Variants in THRB observed in about 807,000 individuals in gnomAD.
THRB encodes the protein thyroid hormone receptor beta.
In THRB, 12 loss-of-function variants were observed where a neutral mutation model predicts 47.8. That is an observed-to-expected ratio of 0.25 (90% CI 0.16 to 0.41). THRB has a LOEUF of 0.41. Among genes scored for constraint, THRB ranks in the 10% least tolerant of loss-of-function variants. The probability of loss-of-function intolerance (pLI) is 1.00; values close to 1 mark genes in which losing one functional copy is unlikely to be tolerated. For missense variants in THRB, 348 were observed against 589.2 expected (o/e 0.59, Z 4.24); for synonymous variants, 218 against 212.2 (o/e 1.03, Z -0.24).
chr3:24,452,586 G>A (rs774551055), intron 1 of THRB, among the ~76,000 whole-genome samples: 2 of 152,048 alleles, frequency 1.3e-5, no homozygotes, highest in South Asian at 4.2e-4. Flanking sequence ...ATGAGGCTCC[G>A]AGAAACATGC....
chr3:24,310,503 C>T (rs1274196964), intron 2 of THRB, among the ~76,000 whole-genome samples: 2 of 152,140 alleles, frequency 1.3e-5, no homozygotes, highest in Non-Finnish European at 2.9e-5. Context: ...CTAGAGGGTT[C>T]CTTAAACATA....
chr3:24,184,726 A>C (rs974285392), intron 5 of THRB, among the ~76,000 whole-genome samples: 2 of 152,194 alleles, frequency 1.3e-5, no homozygotes, highest in Non-Finnish European at 1.5e-5. Context: ...CCCTTGAGGT[A>C]TAAGAATCAC....
At chr3:24,356,035 T>C (rs2149587327) in intron 1 of THRB, among the ~76,000 whole-genome samples, 1 of 152,302 alleles carries the variant, frequency 6.6e-6, no homozygotes, top group South Asian at 2.1e-4. Context: ...TCTCCAGCTG[T>C]GAACCTGTGA....
intron 2 of THRB, among the ~76,000 whole-genome samples, chr3:24,317,177 T>C (rs1050414139): frequency 1.3e-5 from 2 of 152,184 alleles, no homozygotes; most frequent in Non-Finnish European, 2.9e-5. Flanking sequence ...AAGTATGAGT[T>C]TGTGGGTTCA....
chr3:24,296,660 C>T (rs1344953387), intron 3 of THRB, among the ~76,000 whole-genome samples: 1 of 152,194 alleles, frequency 6.6e-6, no homozygotes, highest in Non-Finnish European at 1.5e-5. Flanking sequence ...ACAGAGCAAG[C>T]CCTGTCCTCC....
chr3:24,137,336 A>G (rs2034806416), intron 8 of THRB, among the ~76,000 whole-genome samples: 1 of 152,226 alleles, frequency 6.6e-6, no homozygotes, highest in Non-Finnish European at 1.5e-5. Context: ...ACAGCAATGA[A>G]CAGTGTATCC....
At chr3:24,207,615 AT>A (rs1396881396) in intron 4 of THRB, among the ~76,000 whole-genome samples, 1 of 151,784 alleles carries the variant, frequency 6.6e-6, no homozygotes, top group Non-Finnish European at 1.5e-5. Flanking sequence ...ATTCCTCCCC[AT>A]TTTTCCTTCC....
intron 1 of THRB, among the ~76,000 whole-genome samples, chr3:24,471,247 C>T (rs1302340689): frequency 6.6e-6 from 1 of 152,192 alleles, no homozygotes; most frequent in Non-Finnish European, 1.5e-5. Context: ...TGTAAATTCT[C>T]CAGTTCCACC....
At chr3:24,149,351 T>C (rs967063336) in intron 6 of THRB, among the ~76,000 whole-genome samples, 3 of 152,148 alleles carry the variant, frequency 2.0e-5, no homozygotes, top group Non-Finnish European at 2.9e-5. Flanking sequence ...CTATCTGAAG[T>C]TGGGGAGACC....
Position 24,119,438 on chromosome 3 carries a change from C to T in THRB, c.*3446G>A, listed in dbSNP as rs188915059. 1 of 152,100 alleles carries T rather than the reference C, an allele frequency of 6.6e-6. No homozygotes were observed. The highest frequency in any genetic ancestry group is 2.4e-5 in the African/African-American group (1 of 41,394). The allele number at this position is 152,100 out of a possible 1,614,324, so 9.4% of individuals were successfully genotyped here. On this transcript the variant is annotated 3_prime_UTR_variant, in exon 11 of 11. Transcript: ENST00000646209. Reference sequence around the variant, plus strand: ...CATGCAGCAAAAGGTCAATATGACACGAATAGGTTAGAGTTCCATAGAATA... The same window carrying T: ...CATGCAGCAAAAGGTCAATATGACATGAATAGGTTAGAGTTCCATAGAATA...
At chr3:24,350,139 A>T (rs998173607) in intron 1 of THRB, among the ~76,000 whole-genome samples, 11 of 152,092 alleles carry the variant, frequency 7.2e-5, no homozygotes, top group African/African-American at 2.2e-4. Context: ...ATTATTTATC[A>T]GGAGAGTGTG....
At chr3:24,293,651 A>G (rs2151001332) in intron 3 of THRB, among the ~76,000 whole-genome samples, 1 of 152,320 alleles carries the variant, frequency 6.6e-6, no homozygotes, top group East Asian at 1.9e-4. Context: ...AGGCCAGATG[A>G]ATTCAGTTCA....
intron 5 of THRB, among the ~76,000 whole-genome samples, chr3:24,153,419 T>G (rs1016022741): frequency 1.3e-5 from 2 of 152,222 alleles, no homozygotes; most frequent in Admixed American, 6.5e-5. Context: ...CTAAAAAAGT[T>G]AGGTAAACTT....
chr3:24,465,695 C>G (rs529328124), intron 1 of THRB, among the ~76,000 whole-genome samples: 10 of 152,286 alleles, frequency 6.6e-5, no homozygotes, highest in African/African-American at 2.2e-4. Context: ...TGAGTCAGCG[C>G]ACCCGGCCTA....
At chr3:24,308,409 G>T (rs923755802) in intron 2 of THRB, among the ~76,000 whole-genome samples, 5 of 152,168 alleles carry the variant, frequency 3.3e-5, no homozygotes, top group African/African-American at 1.2e-4. Context: ...GCCAAGCCTT[G>T]TTTGAGGTCC....
intron 1 of THRB, among the ~76,000 whole-genome samples, chr3:24,450,503 A>T (rs1299386042): frequency 6.6e-6 from 1 of 152,186 alleles, no homozygotes; most frequent in African/African-American, 2.4e-5. Context: ...CTGAAGTGTT[A>T]TTTATTCTTT....
At chr3:24,247,573 G>T (rs183624587) in intron 3 of THRB, among the ~76,000 whole-genome samples, 1 of 152,308 alleles carries the variant, frequency 6.6e-6, no homozygotes, top group East Asian at 1.9e-4. Context: ...CATCTTGCAA[G>T]AATAATAATG....
intron 2 of THRB, among the ~76,000 whole-genome samples, chr3:24,307,234 T>C (rs1228315623): frequency 2.0e-5 from 3 of 148,104 alleles, no homozygotes; most frequent in Admixed American, 1.4e-4. Context: ...AGAAATAACA[T>C]GGTAAAGTCT....
chr3:24,328,499 C>G (rs573036706), intron 2 of THRB, among the ~76,000 whole-genome samples: 2 of 152,214 alleles, frequency 1.3e-5, no homozygotes, highest in Admixed American at 1.3e-4. Flanking sequence ...ATCTCTTCCC[C>G]TTGTCTTCCC....
Sources: gnomAD v4.1 joint callset for allele counts (sites outside exome capture counted in the v4.1 genomes callset) on GRCh38, gnomAD v4.1.1 for gene constraint, MANE v1.5 for transcripts, NCBI Gene and HGNC (gene_info 2026-07-23, HGNC 2026-07-21) for gene names.